Variants in RFESD observed in about 807,000 individuals in gnomAD.
RFESD encodes the protein Rieske domain-containing protein.
Under a neutral mutation model 24.4 loss-of-function variants are expected in RFESD, and 16 were observed. The ratio of observed to expected loss-of-function variants is 0.66; its 90% CI spans 0.44 to 1.00. The LOEUF (loss-of-function observed/expected upper bound fraction) is 1.00, where lower values mean the gene tolerates loss of function less well. Ranked by LOEUF, RFESD falls within the 50% of genes least tolerant of loss-of-function variation. The pLI is 0.00. For missense variants in RFESD, 208 were observed against 247.0 expected (o/e 0.84, Z 1.06); for synonymous variants, 59 against 81.8 (o/e 0.72, Z 1.50).
Position 95,654,527 on chromosome 5 carries a change from C to T in RFESD, c.369+160C>T, listed in dbSNP as rs561510283. ...GAAATATGCTTATCTTTTGACCTAG[C>T]AATTATACTCTATATCTATTCTATG... is the stretch of plus-strand genomic sequence containing the variant. On this transcript the variant is annotated intron_variant, in intron 5 of 5. Coordinates refer to ENST00000380005, the MANE Select transcript of RFESD (RefSeq NM_001131066.2). Among the ~76,000 whole-genome samples, 6 of 152,212 alleles carry T rather than the reference C, an allele frequency of 3.9e-5. No homozygotes were observed. In the East Asian group the frequency reaches 1.2e-3, roughly 29 times the overall value.
rs1750376096 is a variant in RFESD, at chr5:95,652,159, A to G, written c.-113A>G. 3 of 1,327,872 alleles carry G rather than the reference A, an allele frequency of 2.3e-6. No individual in the cohort carries two copies. In the African/African-American group the frequency reaches 4.4e-5, roughly 20 times the overall value. 82.3% of individuals were successfully genotyped at this position (1,327,872 alleles called of 1,614,324 possible). ...CAGGTTACCACCTATTTGCAATTCA[A>G]GGAGAATATAAGACAGAGAAGAAAG... On this transcript the variant is annotated 5_prime_UTR_variant, in exon 2 of 6. Transcript: ENST00000380005.
At position 95,654,044 on chromosome 5, in the gene RFESD, T is replaced by C; in HGVS notation, c.159-17T>C. On this transcript the variant is annotated splice_polypyrimidine_tract_variant and intron_variant, in intron 3 of 5. Coordinates refer to ENST00000380005, the MANE Select transcript of RFESD (RefSeq NM_001131066.2). ...AGTGAATACTTCTTGTAACTTTCCT[T>C]CTTTATGTTCAACTAGCATGAATCT... 6.2e-7 allele frequency: 1 copy of C among 1,602,378 alleles called. No individual in the cohort carries two copies. Among genetic ancestry groups the C allele is most frequent in the Non-Finnish European group, 8.5e-7 (1 of 1,175,658 alleles).
intron 2 of RFESD, 76 bp downstream of exon 2, chr5:95,652,407 A>G: frequency 6.6e-7 from 1 of 1,511,994 alleles, no homozygotes; most frequent in Non-Finnish European, 8.9e-7. Flanking sequence ...AGTCTCATAT[A>G]TCTGGTTGTT....
chr5:95,654,651 A>T (rs1580266494), intron 5 of RFESD, among the ~76,000 whole-genome samples: 1 of 152,294 alleles, frequency 6.6e-6, no homozygotes, highest in Non-Finnish European at 1.5e-5. Context: ...ATGTTTTAAC[A>T]ATCGGAAACT....
chr5:95,653,147 T>A lies in RFESD; in HGVS notation c.91T>A (p.Cys31Ser). Residue 31 changes from cysteine to serine, a missense_variant, in exon 3 of 6, where the codon TGT becomes AGT. Physicochemically the swap from Cys to Ser is moderately radical, Grantham distance 112 (BLOSUM62 -1). Coordinates refer to ENST00000380005, the MANE Select transcript of RFESD (RefSeq NM_001131066.2). ...AATTCTCTTCCCCAAGCTGTTGGCA[T>A]GTCTAGTTCATTTGCATTTTGGGCA... ...YGILFPKLLA[C>S]LVHLHFGHFS... 1.3e-6 allele frequency: 2 copies of A among 1,551,738 alleles called. No individual in the cohort carries two copies. Among genetic ancestry groups the A allele is most frequent in the South Asian group, 1.2e-5 (1 of 84,064 alleles).
intron 1 of RFESD, 100 bp downstream of exon 1, chr5:95,646,917 G>C (rs1443401747): frequency 2.6e-5 from 4 of 152,400 alleles, no homozygotes; most frequent in African/African-American, 9.6e-5. Flanking sequence ...TGGCCGCGCC[G>C]CTGCGGGGCC....
rs142639799 is a variant in RFESD, at chr5:95,657,813, A to C, written c.*1504A>C. On this transcript the variant is annotated 3_prime_UTR_variant, in exon 6 of 6. Coordinates refer to ENST00000380005, the MANE Select transcript of RFESD (RefSeq NM_001131066.2). Reference sequence around the variant, plus strand: ...ACTTACTAAGTACAGAAAATGTACTATCTCTCAGGAAGGTACATCCCAGTC... The same window carrying C: ...ACTTACTAAGTACAGAAAATGTACTCTCTCTCAGGAAGGTACATCCCAGTC... 2.6e-5 allele frequency: 4 copies of C among 152,176 alleles called. No homozygotes were observed. The highest frequency in any genetic ancestry group is 1.3e-4 in the Admixed American group (2 of 15,272). The allele number at this position is 152,176 out of a possible 1,614,324, so 9.4% of individuals were successfully genotyped here.
At chr5:95,655,875 G>C (rs150111909) in intron 5 of RFESD, 171 bp from the exon 6 acceptor site, 52 of 592,636 alleles carry the variant, frequency 8.8e-5, no homozygotes, top group Admixed American at 1.3e-4. Context: ...AAAAGAGCTT[G>C]ATGACTCTTC....
At chr5:95,650,035 G>A (rs58419331) in intron 1 of RFESD, among the ~76,000 whole-genome samples, 1,708 of 152,214 alleles carry the variant, frequency 0.011, 26 homozygotes, top group African/African-American at 0.039. Context: ...TGTTCTTTGA[G>A]TACCTGCCAA....
intron 1 of RFESD, among the ~76,000 whole-genome samples, chr5:95,651,097 C>CAAA (rs1006612798): frequency 4.4e-3 from 196 of 44,806 alleles, no homozygotes; most frequent in African/African-American, 5.5e-3. Context: ...GACTCCGTCT[C>CAAA]AAAAAAAAAA....
rs1215216297 is a variant in RFESD, at chr5:95,653,118, A to G, written c.62A>G (p.Tyr21Cys). ...CTTTTGTATTTGCTCTTCTTTCAGT[A>G]TGGAATTCTCTTCCCCAAGCTGTTG... ...PSSLSTLPLQ[Y>C]GILFPKLLAC... The change falls in exon 3 of 6, where the codon TAT becomes TGT. Residue 21 changes from tyrosine to cysteine, a missense_variant and splice_region_variant. Tyr to Cys is a radical substitution (Grantham distance 194). Transcript: ENST00000380005. 3 of 1,551,496 alleles carry G rather than the reference A, an allele frequency of 1.9e-6. No individual in the cohort carries two copies. Among genetic ancestry groups the G allele is most frequent in the East Asian group, 4.9e-5 (2 of 40,932 alleles).
intron 1 of RFESD, among the ~76,000 whole-genome samples, chr5:95,648,456 C>T (rs1015513898): frequency 6.6e-6 from 1 of 151,896 alleles, no homozygotes; most frequent in African/African-American, 2.4e-5. Flanking sequence ...ATCAAAATAA[C>T]GATAATTAAG....
intron 1 of RFESD, chr5:95,647,427 A>C (rs1580252605): frequency 6.6e-6 from 1 of 152,114 alleles, no homozygotes; most frequent in South Asian, 2.1e-4. Context: ...GGCCCTTCTT[A>C]AAGTAAAAGA....
Position 95,646,812 on chromosome 5 carries a change from G to A in RFESD, c.-141G>A, listed in dbSNP as rs1750118011. ...CACGCGGAGGCGGAGCGAGGACTCG[G>A]GGACAGTAAGTTCTGTTCTCGCCGC... is the stretch of plus-strand genomic sequence containing the variant. On this transcript the variant is annotated 5_prime_UTR_variant, in exon 1 of 6. Coordinates refer to ENST00000380005, the MANE Select transcript of RFESD (RefSeq NM_001131066.2). The A allele has an allele frequency of 6.6e-6, 1 of 152,332 alleles. No individual in the cohort carries two copies. Among genetic ancestry groups the A allele is most frequent in the Admixed American group, 6.5e-5 (1 of 15,294 alleles). 9.4% of individuals were successfully genotyped at this position (152,332 alleles called of 1,614,324 possible).
rs748385964 is a variant in RFESD, at chr5:95,654,362, A to G, written c.364A>G (p.Ile122Val). 1.3e-6 allele frequency: 2 copies of G among 1,591,376 alleles called. No homozygotes were observed. Among genetic ancestry groups the G allele is most frequent in the South Asian group, 2.3e-5 (2 of 88,724 alleles). Residue 122 changes from isoleucine to valine, a missense_variant, in exon 5 of 6, where the codon ATA becomes GTA. By Grantham distance (29) the Ile-to-Val change is conservative. Transcript: ENST00000380005. ...HSGGPLHLGD[I>V]EDFDGRPCIV... is the part of the protein sequence containing the mutation. ...AGGAGGACCTTTACATTTGGGAGAT[A>G]TAGAGGTATGTAAAATTAAATTTAT...
rs541520558 is a variant in RFESD, at chr5:95,653,173, T to C, written c.117T>C (p.His39=). ...LACLVHLHFG[H]FSSAVISVTS... is the part of the protein sequence containing the mutation. ...GTCTAGTTCATTTGCATTTTGGGCA[T>C]TTCAGCTCAGCTGTCATCTCAGTGA... is the stretch of plus-strand genomic sequence containing the variant. Residue 39 remains histidine, a synonymous_variant, in exon 3 of 6, where the codon CAT becomes CAC. Transcript: ENST00000380005. 2 of 1,551,734 alleles carry C rather than the reference T, an allele frequency of 1.3e-6. No homozygotes were observed. The highest frequency in any genetic ancestry group is 2.7e-5 in the African/African-American group (2 of 73,196).
In RFESD at chr5:95,656,482, A is replaced by T. The variant is rs1250117838; in HGVS notation, c.*173A>T. 2.3e-5 allele frequency: 13 copies of T among 569,374 alleles called. No individual in the cohort carries two copies. The highest frequency in any genetic ancestry group is 9.1e-4 in the Middle Eastern group (2 of 2,188). 35.3% of individuals were successfully genotyped at this position (569,374 alleles called of 1,614,324 possible). A position where few individuals can be genotyped will look rare whatever the true frequency, so the allele number is the denominator to read the frequency against. ...TACTTAGTATGATGTAAGGATTATC[A>T]TCAGGATCAATAGAATACATTTTAT... On this transcript the variant is annotated 3_prime_UTR_variant, in exon 6 of 6. Coordinates refer to ENST00000380005, the MANE Select transcript of RFESD (RefSeq NM_001131066.2).
At chr5:95,652,456 A>C in intron 2 of RFESD, 125 bp downstream of exon 2, 3 of 1,220,896 alleles carry the variant, frequency 2.5e-6, no homozygotes, top group Non-Finnish European at 3.3e-6. Flanking sequence ...GAGATACCTT[A>C]AACTCAATAT....
Position 95,656,624 on chromosome 5 carries a change from G to A in RFESD, c.*315G>A. ...ATAGGTAAAAATTAAGGATTAGTAA[G>A]AAAAAATTTTTTAATTTAAAAAATT... On this transcript the variant is annotated 3_prime_UTR_variant, in exon 6 of 6. Transcript: ENST00000380005. 1.2e-5 allele frequency: 2 copies of A among 170,970 alleles called. No individual in the cohort carries two copies. The highest frequency in any genetic ancestry group is 2.5e-5 in the Non-Finnish European group (2 of 81,158). 10.6% of individuals were successfully genotyped at this position (170,970 alleles called of 1,614,324 possible). A position where few individuals can be genotyped will look rare whatever the true frequency, so the allele number is the denominator to read the frequency against.
Sources: gnomAD v4.1 joint callset for allele counts (sites outside exome capture counted in the v4.1 genomes callset) on GRCh38, gnomAD v4.1.1 for gene constraint, MANE v1.5 for transcripts, NCBI Gene and HGNC (gene_info 2026-07-23, HGNC 2026-07-21) for gene names.